Variants in CDK6 observed in about 807,000 individuals in gnomAD.
CDK6 encodes the protein cyclin-dependent kinase 6.
In CDK6, 6 loss-of-function variants were observed where a neutral mutation model predicts 37.1. The observed-to-expected ratio is 0.16, with a 90% CI of 0.09 to 0.32. The LOEUF is 0.32. CDK6 is among the 10% of genes least tolerant of loss of function. The probability of loss-of-function intolerance (pLI) is 1.00; values close to 1 mark genes in which losing one functional copy is unlikely to be tolerated. For synonymous variants in CDK6, 160 were observed against 161.3 expected, an observed-to-expected ratio of 0.99 and a Z score of 0.06; for missense variants, 224 against 418.9, an observed-to-expected ratio of 0.53 and a Z score of 4.06.
intron 2 of CDK6, among the ~76,000 whole-genome samples, chr7:92,819,779 A>T (rs1204192920): frequency 6.6e-6 from 1 of 152,092 alleles, no homozygotes; most frequent in Non-Finnish European, 1.5e-5. Context: ...TGAAGTTAAA[A>T]ATATTAATTA....
At chr7:92,832,811 TGGG>T (rs1801525384) in intron 2 of CDK6, among the ~76,000 whole-genome samples, 1 of 152,094 alleles carries the variant, frequency 6.6e-6, no homozygotes, top group Non-Finnish European at 1.5e-5. Context: ...TCCTTCAGGG[TGGG>T]CAGGGAGAAA....
chr7:92,688,146 A>C (rs748526704), intron 4 of CDK6, among the ~76,000 whole-genome samples: 26 of 152,154 alleles, frequency 1.7e-4, no homozygotes, highest in South Asian at 4.1e-4. Context: ...ATATACAGGG[A>C]GTAGGCAAAC....
intron 5 of CDK6, among the ~76,000 whole-genome samples, chr7:92,657,441 C>CA (rs1796721961): frequency 6.6e-6 from 1 of 152,156 alleles, no homozygotes; most frequent in African/African-American, 2.4e-5. Flanking sequence ...AATATCATAA[C>CA]TCAATATACA....
intron 4 of CDK6, among the ~76,000 whole-genome samples, chr7:92,711,931 G>A (rs73404497): frequency 0.18 from 26,841 of 151,610 alleles, 3,770 homozygotes; most frequent in African/African-American, 0.39. Flanking sequence ...AACTGAAGAA[G>A]GAACCGTGAC....
At chr7:92,808,120 T>C (rs1800775815) in intron 2 of CDK6, among the ~76,000 whole-genome samples, 1 of 152,200 alleles carries the variant, frequency 6.6e-6, no homozygotes, top group Admixed American at 6.5e-5. Flanking sequence ...AGACACCTCA[T>C]ATGGTATTTT....
At chr7:92,617,947 A>G (rs1356664830) in intron 7 of CDK6, 125 bp downstream of exon 7, 1 of 858,774 alleles carries the variant, frequency 1.2e-6, no homozygotes, top group Non-Finnish European at 1.8e-6. Flanking sequence ...CTCCTGCTCC[A>G]TGTGGCTGTG....
In CDK6 at chr7:92,606,624, A is replaced by T. The variant is rs935348524; in HGVS notation, c.*8516T>A. 9.8e-6 allele frequency: 2 copies of T among 204,906 alleles called. No individual in the cohort carries two copies. The highest frequency in any genetic ancestry group is 2.9e-5 in the African/African-American group (1 of 34,298). 12.7% of individuals were successfully genotyped at this position (204,906 alleles called of 1,614,324 possible). A position where few individuals can be genotyped will look rare whatever the true frequency, so the allele number is the denominator to read the frequency against. ...TCAAACACAGAAACTAACAAGTCAA[A>T]TTTCCAAATTAGATTTTTTTTTTTT... On this transcript the variant is annotated 3_prime_UTR_variant, in exon 8 of 8. Transcript: ENST00000424848.
chr7:92,786,808 A>C lies in CDK6; in HGVS notation c.234-11977T>G, dbSNP rs145251913. Among the ~76,000 whole-genome samples the C allele has an allele frequency of 1.5e-3, 232 of 151,994 alleles. 1 individual carries two copies. The highest frequency in any genetic ancestry group is 4.9e-3 in the African/African-American group (202 of 41,500). On this transcript the variant is annotated intron_variant, in intron 2 of 7. Coordinates refer to ENST00000424848, the MANE Select transcript of CDK6 (RefSeq NM_001145306.2). Reference sequence around the variant, plus strand: ...TTATTGAAAATGGAAAGACATTCACAATATATTATTTTTAAAAATGCAAGT... The same window carrying C: ...TTATTGAAAATGGAAAGACATTCACCATATATTATTTTTAAAAATGCAAGT...
chr7:92,799,497 C>CTT (rs397891013), intron 2 of CDK6, among the ~76,000 whole-genome samples: 104 of 147,256 alleles, frequency 7.1e-4, no homozygotes, highest in Non-Finnish European at 1.2e-3. Context: ...TTTCCATAGT[C>CTT]TTTTTTTTTT....
intron 4 of CDK6, among the ~76,000 whole-genome samples, chr7:92,709,126 C>G (rs1052949892): frequency 6.6e-6 from 1 of 152,154 alleles, no homozygotes; most frequent in Non-Finnish European, 1.5e-5. Flanking sequence ...CGTAGCCCCT[C>G]GTCACACATC....
intron 4 of CDK6, among the ~76,000 whole-genome samples, chr7:92,691,057 T>C (rs1797589458): frequency 6.6e-6 from 1 of 152,210 alleles, no homozygotes; most frequent in Non-Finnish European, 1.5e-5. Context: ...AAAAGTAGAG[T>C]GCAGAACAAA....
intron 2 of CDK6, among the ~76,000 whole-genome samples, chr7:92,816,681 A>G (rs949947581): frequency 6.6e-6 from 1 of 152,096 alleles, no homozygotes; most frequent in African/African-American, 2.4e-5. Flanking sequence ...ACTAAGAACA[A>G]ATTAAACCCA....
intron 3 of CDK6, among the ~76,000 whole-genome samples, chr7:92,730,421 G>A (rs961577258): frequency 6.6e-6 from 1 of 152,156 alleles, no homozygotes; most frequent in Non-Finnish European, 1.5e-5. Flanking sequence ...TATAACAAAG[G>A]TTTTTTAACA....
intron 2 of CDK6, among the ~76,000 whole-genome samples, chr7:92,817,589 C>T (rs1444573226): frequency 6.6e-6 from 1 of 151,660 alleles, no homozygotes; most frequent in Non-Finnish European, 1.5e-5. Context: ...TTATTGGGAA[C>T]AAGCCAAAAA....
intron 2 of CDK6, among the ~76,000 whole-genome samples, chr7:92,792,143 G>C (rs1800300685): frequency 6.6e-6 from 1 of 152,128 alleles, no homozygotes; most frequent in Non-Finnish European, 1.5e-5. Context: ...AATATAGACA[G>C]ATTGGTTACA....
At position 92,614,079 on chromosome 7, in the gene CDK6, T is replaced by G. The variant is rs538191697; in HGVS notation, c.*1061A>C. On this transcript the variant is annotated 3_prime_UTR_variant, in exon 8 of 8. Coordinates refer to ENST00000424848, the MANE Select transcript of CDK6 (RefSeq NM_001145306.2). ...GTGGCAGAAAGTACAGTGTAATAGATGAGGAAAATTTCAAGGCCACTCCTG... is the reference window on the plus strand; with the variant it reads ...GTGGCAGAAAGTACAGTGTAATAGAGGAGGAAAATTTCAAGGCCACTCCTG... 2 of 233,198 alleles carry G rather than the reference T, an allele frequency of 8.6e-6. No individual in the cohort carries two copies. The highest frequency in any genetic ancestry group is 1.7e-5 in the Non-Finnish European group (2 of 117,990). 14.4% of individuals were successfully genotyped at this position (233,198 alleles called of 1,614,324 possible).
At chr7:92,781,700 T>G (rs893786540) in intron 2 of CDK6, among the ~76,000 whole-genome samples, 2 of 152,218 alleles carry the variant, frequency 1.3e-5, no homozygotes, top group Admixed American at 6.5e-5. Flanking sequence ...CCCCATTCTC[T>G]TCAATGTTTG....
chr7:92,799,624 G>A (rs1426130599), intron 2 of CDK6, among the ~76,000 whole-genome samples: 2 of 151,998 alleles, frequency 1.3e-5, no homozygotes, highest in Non-Finnish European at 2.9e-5. Context: ...ATTTTGAACC[G>A]CCTGTGCTGT....
chr7:92,624,801 G>A (rs1021044228), intron 5 of CDK6, among the ~76,000 whole-genome samples: 1 of 152,090 alleles, frequency 6.6e-6, no homozygotes, highest in African/African-American at 2.4e-5. Context: ...AGTGCCAAGT[G>A]CCCCAAACAT....
Sources: allele counts gnomAD v4.1 joint callset (sites outside exome capture counted in the v4.1 genomes callset), GRCh38; gene constraint gnomAD v4.1.1; transcripts MANE v1.5; gene names NCBI Gene and HGNC (gene_info 2026-07-23, HGNC 2026-07-21).